AXIN2: variants seen among roughly 807,000 people sequenced by gnomAD.
The protein encoded by AXIN2 is axin 2.
In AXIN2, 21 loss-of-function variants were observed where a neutral mutation model predicts 74.7. The ratio of observed to expected loss-of-function variants is 0.28; its 90% CI spans 0.20 to 0.40. The LOEUF (loss-of-function observed/expected upper bound fraction) is 0.40. Among genes scored for constraint, AXIN2 ranks in the 10% least tolerant of loss-of-function variants. AXIN2 has a pLI of 1.00. For synonymous variants in AXIN2, 532 were observed against 454.9 expected (o/e 1.17, Z -2.16); for missense variants, 1,144 against 1,111.1 (o/e 1.03, Z -0.42).
chr17:65,542,729 T>C (rs2044061537), intron 3 of AXIN2, among the ~76,000 whole-genome samples: 1 of 152,198 alleles, frequency 6.6e-6, no homozygotes, highest in Non-Finnish European at 1.5e-5. Flanking sequence ...GTGTGACTAT[T>C]TTCCCATTGA....
intron 5 of AXIN2, 42 bp downstream of exon 5, chr17:65,538,161 A>ACGCCGTGGACGAG: frequency 6.2e-7 from 1 of 1,613,800 alleles, no homozygotes; most frequent in East Asian, 2.2e-5. Flanking sequence ...ACGAGCGCTC[A>ACGCCGTGGACGAG]CGCCGTGGAC....
chr17:65,561,114 G>T (rs570948948), intron 1 of AXIN2: 1 of 149,870 alleles, frequency 6.7e-6, no homozygotes, highest in African/African-American at 2.4e-5. Flanking sequence ...TTTCAACGCA[G>T]GTCCTGTTTC....
chr17:65,535,827 C>T lies in AXIN2; in HGVS notation c.2142-106G>A, dbSNP rs1043266294. 7.8e-6 allele frequency: 8 copies of T among 1,025,004 alleles called. No individual in the cohort carries two copies. The South Asian group carries it at 1.1e-4, about 14-fold the overall frequency. 63.5% of individuals were successfully genotyped at this position (1,025,004 alleles called of 1,614,324 possible). ...TTTGGCCTCCTGAAGAGACACGAAC[C>T]CGACTTCCATCCTTACGGAGACCCA... On this transcript the variant is annotated intron_variant, in intron 8 of 10. Coordinates refer to ENST00000307078, the MANE Select transcript of AXIN2 (RefSeq NM_004655.4).
intron 2 of AXIN2, among the ~76,000 whole-genome samples, chr17:65,552,950 C>A (rs2044215068): frequency 6.6e-6 from 1 of 152,100 alleles, no homozygotes; most frequent in Non-Finnish European, 1.5e-5. Flanking sequence ...ATCGCTTGAA[C>A]CCGGGAGGCA....
At position 65,558,514 on chromosome 17, in the gene AXIN2, C is replaced by T. The variant is rs1555583751; in HGVS notation, c.107G>A (p.Cys36Tyr). Residue 36 changes from cysteine (C) to tyrosine (Y), a missense_variant, in exon 2 of 11, where the codon TGT becomes TAT. Cys to Tyr is a radical substitution (Grantham distance 194). Around this residue, in one of 4 missense-constraint regions of AXIN2, gnomAD observed 1,053 missense variants for 973.5 expected, o/e 1.08. Transcript: ENST00000307078. Reference protein sequence around the residue: ...VPGEEGETPPCQPGVGKGQVT... With the variant: ...VPGEEGETPPYQPGVGKGQVT... The stretch of plus-strand genomic sequence containing the variant: ...CTGGCCCTTGCCCACCCCTGGCTGA[C>T]ACGGTGGGGTCTCCCCTTCTTCCCC... 6.2e-7 allele frequency: 1 copy of T among 1,613,634 alleles called. No individual in the cohort carries two copies. Among genetic ancestry groups the T allele is most frequent in the East Asian group, 2.2e-5 (1 of 44,842 alleles).
chr17:65,537,951 CAGCCACGCCCAT>C (rs2144470552), intron 5 of AXIN2, 116 bp from the exon 6 acceptor site: 5 of 1,412,346 alleles, frequency 3.5e-6, no homozygotes, highest in Middle Eastern at 3.8e-4. Context: ...TGCACGCCCA[CAGCCACGCCCAT>C]GCGCACACGC....
intron 7 of AXIN2, 96 bp downstream of exon 7, chr17:65,536,773 T>C: frequency 6.5e-7 from 1 of 1,545,924 alleles, no homozygotes. Context: ...TAGTCACATT[T>C]GTATTCCGCG....
intron 5 of AXIN2, 95 bp from the exon 6 acceptor site, chr17:65,537,930 G>A (rs2043967363): frequency 3.4e-6 from 5 of 1,451,564 alleles, no homozygotes; most frequent in Middle Eastern, 1.8e-4. Flanking sequence ...GCAGGAGCAC[G>A]CACACCCGTG....
rs2144439614 is a variant in AXIN2, at chr17:65,536,354, T to C, written c.2107A>G (p.Arg703Gly). 1.2e-6 allele frequency: 2 copies of C among 1,613,288 alleles called. No homozygotes were observed. The highest frequency in any genetic ancestry group is 1.7e-6 in the Non-Finnish European group (2 of 1,179,894). Residue 703 changes from arginine to glycine, a missense_variant, in exon 8 of 11, where the codon AGG becomes GGG. Arg to Gly is a moderately radical substitution (Grantham distance 125). Transcript: ENST00000307078. ...GGGGGCTTCGACACCTCAGCTAGCC[T>C]GCGACAGGCCTCCTCCAGCTGAGCC... Reference protein sequence around the residue: ...TLAQLEEACRRLAEVSKPPKQ... With the variant: ...TLAQLEEACRGLAEVSKPPKQ...
intron 10 of AXIN2, among the ~76,000 whole-genome samples, chr17:65,533,255 G>A (rs965343720): frequency 6.6e-6 from 1 of 152,200 alleles, no homozygotes; most frequent in Non-Finnish European, 1.5e-5. Context: ...CGGGGCCCAG[G>A]CCTGGACAGG....
chr17:65,529,977 C>CA lies in AXIN2; in HGVS notation c.2530dup (p.Ter844LeufsTer9). On this transcript the variant is annotated frameshift_variant and stop_lost, in exon 11 of 11. Transcript: ENST00000307078. LOFTEE classifies it high-confidence loss of function. ...TTCACCAAAGCCAGACCCCAGGGCTCAATCGATCCGCTCCACTTTGCCCAG... is the reference window on the plus strand; with the variant it reads ...TTCACCAAAGCCAGACCCCAGGGCTCAAATCGATCCGCTCCACTTTGCCCAG... 1 of 1,614,208 alleles carries CA rather than the reference C, an allele frequency of 6.2e-7. No individual in the cohort carries two copies. Among genetic ancestry groups the CA allele is most frequent in the Non-Finnish European group, 8.5e-7 (1 of 1,180,024 alleles).
At position 65,558,462 on chromosome 17, in the gene AXIN2, G is replaced by A. The variant is rs774320588; in HGVS notation, c.159C>T (p.Ser53=). The A allele has an allele frequency of 1.9e-6, 3 of 1,603,328 alleles. No individual in the cohort carries two copies. Among genetic ancestry groups the A allele is most frequent in the Non-Finnish European group, 2.6e-6 (3 of 1,173,110 alleles). ...GQVTKPMPVS[S]NTRRNEDGLG... ...ACCCATCTTCGTTCCGCCTGGTGTT[G>A]GAAGAGACAGGCATGGGTTTGGTGA... is the stretch of plus-strand genomic sequence containing the variant. The change falls in exon 2 of 11, where the codon TCC becomes TCT. Residue 53 remains serine (S), a synonymous_variant. Coordinates refer to ENST00000307078, the MANE Select transcript of AXIN2 (RefSeq NM_004655.4).
intron 4 of AXIN2, among the ~76,000 whole-genome samples, chr17:65,540,719 A>AC (rs963785245): frequency 2.0e-5 from 3 of 150,848 alleles, no homozygotes; most frequent in Non-Finnish European, 4.4e-5. Context: ...ATTGCCCACC[A>AC]CCCCCCCAAC....
Position 65,528,721 on chromosome 17 carries a change from TA to T in AXIN2, c.*1254del. The T allele has an allele frequency of 2.0e-6, 1 of 503,626 alleles. No individual in the cohort carries two copies. The highest frequency in any genetic ancestry group is 3.7e-6 in the Non-Finnish European group (1 of 268,596). The allele number at this position is 503,626 out of a possible 1,614,324, so 31.2% of individuals were successfully genotyped here. ...AAGTCATTGAGTACAAGACTTGTAA[TA>T]AAAAGGCATAAAATATATTTATACA... On this transcript the variant is annotated 3_prime_UTR_variant, in exon 11 of 11. Transcript: ENST00000307078.
intron 3 of AXIN2, among the ~76,000 whole-genome samples, chr17:65,545,560 C>T (rs1161520897): frequency 6.6e-6 from 1 of 152,000 alleles, no homozygotes; most frequent in Admixed American, 6.6e-5. Flanking sequence ...TGGTGGTGCA[C>T]GCCTGTAGTC....
chr17:65,546,308 T>C (rs1184438858), intron 3 of AXIN2, among the ~76,000 whole-genome samples: 5 of 152,184 alleles, frequency 3.3e-5, no homozygotes, highest in Non-Finnish European at 7.3e-5. Flanking sequence ...ACACACTTTA[T>C]TTCTCGCCCG....
In AXIN2 at chr17:65,558,641, T is replaced by A; in HGVS notation, c.-21A>T. 1.3e-6 allele frequency: 2 copies of A among 1,599,130 alleles called. No homozygotes were observed. The highest frequency in any genetic ancestry group is 1.7e-6 in the Non-Finnish European group (2 of 1,178,536). ...CTCATGGTGAGGGAGCTCTTCCCAC[T>A]GAGTCTGGGAATTTTTCTTCTTCCA... On this transcript the variant is annotated 5_prime_UTR_variant, in exon 2 of 11. Transcript: ENST00000307078.
chr17:65,557,082 G>C (rs2044277733), intron 2 of AXIN2, among the ~76,000 whole-genome samples: 1 of 152,078 alleles, frequency 6.6e-6, no homozygotes, highest in South Asian at 2.1e-4. Flanking sequence ...AGTACTCCCG[G>C]GCCAAGATCT....
chr17:65,538,297 G>A lies in AXIN2; in HGVS notation c.1106C>T (p.Thr369Ile), dbSNP rs898166595. 1 of 1,614,222 alleles carries A rather than the reference G, an allele frequency of 6.2e-7. No individual in the cohort carries two copies. Among genetic ancestry groups the A allele is most frequent in the Non-Finnish European group, 8.5e-7 (1 of 1,180,036 alleles). Reference sequence around the variant, plus strand: ...CCTCGAGATCAGCTCAGCTGCAAAGGTGGCGGGTTCCACGGGGGTCATCTC... The same window carrying A: ...CCTCGAGATCAGCTCAGCTGCAAAGATGGCGGGTTCCACGGGGGTCATCTC... ...PKEMTPVEPA[T>I]FAAELISRLE... Residue 369 changes from threonine to isoleucine, a missense_variant, in exon 5 of 11, where the codon ACC becomes ATC. Thr to Ile is a moderately conservative substitution (Grantham distance 89). This residue lies in a region of AXIN2 where 1,053 missense variants were observed against 973.5 expected (regional missense o/e 1.08). Coordinates refer to ENST00000307078, the MANE Select transcript of AXIN2 (RefSeq NM_004655.4).
Sources: gnomAD v4.1 joint callset for allele counts (sites outside exome capture counted in the v4.1 genomes callset) on GRCh38, gnomAD v4.1.1 for gene constraint, gnomAD v4.1.1 regional missense constraint, MANE v1.5 for transcripts, NCBI Gene and HGNC (gene_info 2026-07-23, HGNC 2026-07-21) for gene names.